OR51L1: variants seen among roughly 807,000 people sequenced by gnomAD.
OR51L1 encodes the protein olfactory receptor family 51 subfamily L member 1.
A neutral mutation model predicts 1.4 loss-of-function variants in OR51L1; 1 was observed. The ratio of observed to expected loss-of-function variants is 0.72; its 90% CI spans 0.26 to 3.42. The LOEUF (loss-of-function observed/expected upper bound fraction) is 3.42, where lower values mean the gene tolerates loss of function less well. Among genes scored for constraint, OR51L1 ranks in the 30% most tolerant of loss-of-function variants. The pLI, the probability that OR51L1 is intolerant of heterozygous loss-of-function variation, is 0.20. For synonymous variants in OR51L1, 156 were observed against 144.2 expected (o/e 1.08, Z -0.59); for missense variants, 378 against 380.0 (o/e 0.99, Z 0.04).
chr11:4,996,262 A>G (rs1240141872), intron 1 of OR51L1, among the ~76,000 whole-genome samples: 1 of 152,144 alleles, frequency 6.6e-6, no homozygotes, highest in East Asian at 1.9e-4. Context: ...GCACACACAC[A>G]CACACAGGCA....
chr11:5,003,776 A>G lies in OR51L1; in HGVS notation c.*3846A>G, dbSNP rs2133664640. 6.6e-6 allele frequency: 1 copy of G among 152,264 alleles called. No individual in the cohort carries two copies. Among genetic ancestry groups the G allele is most frequent in the Non-Finnish European group, 1.5e-5 (1 of 68,008 alleles). The allele number at this position is 152,264 out of a possible 1,614,324, so 9.4% of individuals were successfully genotyped here. On this transcript the variant is annotated 3_prime_UTR_variant, in exon 3 of 3. Coordinates refer to ENST00000641819, the MANE Select transcript of OR51L1 (RefSeq NM_001004755.2). ...AAGCCTGGAGAACTAAAAATAACCT[A>G]TAATTCAAGTTGACATTGTGAGATG...
intron 1 of OR51L1, among the ~76,000 whole-genome samples, chr11:4,996,208 G>A (rs532537935): frequency 2.4e-4 from 37 of 152,138 alleles, no homozygotes; most frequent in Non-Finnish European, 4.6e-4. Context: ...TGCCAAGAGA[G>A]TAGAGCTTAG....
At chr11:4,998,561 C>T (rs1847093187) in intron 2 of OR51L1, among the ~76,000 whole-genome samples, 1 of 151,998 alleles carries the variant, frequency 6.6e-6, no homozygotes, top group African/African-American at 2.4e-5. Context: ...GAAAAGATAG[C>T]CTAGAAGCAA....
intron 1 of OR51L1, among the ~76,000 whole-genome samples, chr11:4,995,593 A>G (rs554648558): frequency 1.4e-5 from 1 of 71,210 alleles, no homozygotes; most frequent in African/African-American, 6.0e-5. Context: ...GAGAGGCTGT[A>G]AAAAAATGGT....
chr11:4,995,729 C>T (rs190630141), intron 1 of OR51L1, among the ~76,000 whole-genome samples: 19 of 152,098 alleles, frequency 1.2e-4, no homozygotes, highest in Admixed American at 6.6e-4. Context: ...ATTTCTCTTT[C>T]GACCTCAGTG....
At position 4,998,917 on chromosome 11, in the gene OR51L1, C is replaced by A. The variant is rs1589828541; in HGVS notation, c.-66C>A. ...CATTATTTGTACTCAAAAGAGATAA[C>A]TTTGAGGGATCAGGAAGGAAAACAC... On this transcript the variant is annotated 5_prime_UTR_variant, in exon 3 of 3. Transcript: ENST00000641819. 4.6e-6 allele frequency: 7 copies of A among 1,530,400 alleles called. No homozygotes were observed. The East Asian group carries it at 1.6e-4, about 35-fold the overall frequency. The allele number at this position is 1,530,400 out of a possible 1,614,324, so 94.8% of individuals were successfully genotyped here.
At chr11:4,997,901 G>C (rs1307309217) in intron 2 of OR51L1, among the ~76,000 whole-genome samples, 1 of 152,088 alleles carries the variant, frequency 6.6e-6, no homozygotes, top group Non-Finnish European at 1.5e-5. Context: ...CACAGAAGTA[G>C]GTGCAAGTGG....
rs1359263869 is a variant in OR51L1, at chr11:5,002,774, A to C, written c.*2844A>C. 1 of 152,080 alleles carries C rather than the reference A, an allele frequency of 6.6e-6. No homozygotes were observed. Among genetic ancestry groups the C allele is most frequent in the African/African-American group, 2.4e-5 (1 of 41,392 alleles). The allele number at this position is 152,080 out of a possible 1,614,324, so 9.4% of individuals were successfully genotyped here. The stretch of plus-strand genomic sequence containing the variant: ...TCAACTTTTCCCTCTGCCCAATCCT[A>C]CCCACTTTCATTCCTTTTCATTTAA... On this transcript the variant is annotated 3_prime_UTR_variant, in exon 3 of 3. Coordinates refer to ENST00000641819, the MANE Select transcript of OR51L1 (RefSeq NM_001004755.2).
In OR51L1 at chr11:5,001,637, T is replaced by A. The variant is rs1452041913; in HGVS notation, c.*1707T>A. On this transcript the variant is annotated 3_prime_UTR_variant, in exon 3 of 3. Coordinates refer to ENST00000641819, the MANE Select transcript of OR51L1 (RefSeq NM_001004755.2). ...TTATTTTTGATAACCCATTACTTTT[T>A]TCTTTTTCACTAGAATGAACTACAG... 1 of 152,240 alleles carries A rather than the reference T, an allele frequency of 6.6e-6. No individual in the cohort carries two copies. The highest frequency in any genetic ancestry group is 2.4e-5 in the African/African-American group (1 of 41,454). 9.4% of individuals were successfully genotyped at this position (152,240 alleles called of 1,614,324 possible).
Position 4,999,278 on chromosome 11 carries a change from G to T in OR51L1, c.296G>T (p.Cys99Phe). 2 of 1,614,154 alleles carry T rather than the reference G, an allele frequency of 1.2e-6. No homozygotes were observed. The highest frequency in any genetic ancestry group is 1.7e-6 in the Non-Finnish European group (2 of 1,180,018). Reference protein sequence around the residue: ...LDAPEIQASACYAQLFFIHTF... With the variant: ...LDAPEIQASAFYAQLFFIHTF... ...GCTCCAGAGATCCAGGCAAGTGCTTGCTATGCTCAGCTGTTCTTCATCCAC... is the reference window on the plus strand; with the variant it reads ...GCTCCAGAGATCCAGGCAAGTGCTTTCTATGCTCAGCTGTTCTTCATCCAC... Residue 99 changes from cysteine (C) to phenylalanine (F), a missense_variant, in exon 3 of 3, where the codon TGC becomes TTC. By Grantham distance (205) the Cys-to-Phe change is radical. Transcript: ENST00000641819.
intron 1 of OR51L1, among the ~76,000 whole-genome samples, chr11:4,996,726 TTTCTTTCTTTCTTTCTTTC>T (rs1847074780): frequency 1.5e-5 from 1 of 67,278 alleles, no homozygotes; most frequent in Admixed American, 1.2e-4. Flanking sequence ...TTTTCTTTTC[TTTCTTTCTTTCTTTCTTTC>T]TTTCTTTCTT....
In OR51L1 at chr11:5,004,584, AAAGAG is replaced by A. The variant is rs1847160001; in HGVS notation, c.*4658_*4662del. The A allele has an allele frequency of 6.6e-6, 1 of 152,124 alleles. No individual in the cohort carries two copies. The highest frequency in any genetic ancestry group is 2.4e-5 in the African/African-American group (1 of 41,420). The allele number at this position is 152,124 out of a possible 1,614,324, so 9.4% of individuals were successfully genotyped here. Reference sequence around the variant, plus strand: ...CTCTGGTAGAAGAGAGAGAATAATCAAAGAGAAGTACACACGAACTTCTCTTACAA... The same window carrying A: ...CTCTGGTAGAAGAGAGAGAATAATCAAAGTACACACGAACTTCTCTTACAA... On this transcript the variant is annotated 3_prime_UTR_variant, in exon 3 of 3. Transcript: ENST00000641819.
At chr11:4,996,031 G>T (rs1847065470) in intron 1 of OR51L1, among the ~76,000 whole-genome samples, 1 of 152,084 alleles carries the variant, frequency 6.6e-6, no homozygotes, top group Admixed American at 6.6e-5. Context: ...TATACAGCAT[G>T]ACCACAGTTC....
rs2133661694 is a variant in OR51L1, at chr11:4,999,846, C to T, written c.864C>T (p.Val288=). 6.2e-7 allele frequency: 1 copy of T among 1,614,004 alleles called. No homozygotes were observed. The highest frequency in any genetic ancestry group is 1.1e-5 in the South Asian group (1 of 91,084). ...ACATCTACCTTCTTCTTCCCCCAGT[C>T]CTTAACCCTATTGTCTATAGTGTCA... ...MADIYLLLPP[V]LNPIVYSVRT... The change falls in exon 3 of 3, where the codon GTC becomes GTT. Residue 288 remains valine (V), a synonymous_variant. Coordinates refer to ENST00000641819, the MANE Select transcript of OR51L1 (RefSeq NM_001004755.2).
rs1175895852 is a variant in OR51L1 at position 5,002,234 on chromosome 11, T to C, written c.*2304T>C. ...ATGGAAGTATTTAAACCACAGAAAT[T>C]GGTAAACATTATATATCAGGACTTG... is the stretch of plus-strand genomic sequence containing the variant. On this transcript the variant is annotated 3_prime_UTR_variant, in exon 3 of 3. Coordinates refer to ENST00000641819, the MANE Select transcript of OR51L1 (RefSeq NM_001004755.2). The C allele has an allele frequency of 6.6e-6, 1 of 152,216 alleles. No homozygotes were observed. Among genetic ancestry groups the C allele is most frequent in the Non-Finnish European group, 1.5e-5 (1 of 68,048 alleles). The allele number at this position is 152,216 out of a possible 1,614,324, so 9.4% of individuals were successfully genotyped here. A position where few individuals can be genotyped will look rare whatever the true frequency, so the allele number is the denominator to read the frequency against.
chr11:4,998,879 T>G lies in OR51L1; in HGVS notation c.-104T>G. The G allele has an allele frequency of 7.9e-7, 1 of 1,267,142 alleles. No individual in the cohort carries two copies. The highest frequency in any genetic ancestry group is 1.1e-6 in the Non-Finnish European group (1 of 907,904). The allele number at this position is 1,267,142 out of a possible 1,614,324, so 78.5% of individuals were successfully genotyped here. On this transcript the variant is annotated 5_prime_UTR_variant, in exon 3 of 3. Transcript: ENST00000641819. ...TGTGAGGTTAGACGAAAGATGTATT[T>G]TTGTCCTCATTCCATTATTTGTACT... is the stretch of plus-strand genomic sequence containing the variant.
Position 4,999,107 on chromosome 11 carries a change from T to C in OR51L1, c.125T>C (p.Met42Thr), listed in dbSNP as rs1254578360. ...LFCLAYLVAFMGNVTILSVIW... is the reference protein window; with the variant it reads ...LFCLAYLVAFTGNVTILSVIW... ...TGTCTTGCATATTTGGTAGCATTTA[T>C]GGGTAATGTTACCATCCTGTCTGTC... Residue 42 changes from methionine (M) to threonine (T), a missense_variant, in exon 3 of 3, where the codon ATG becomes ACG. Physicochemically the swap from Met to Thr is moderately conservative, Grantham distance 81. Coordinates refer to ENST00000641819, the MANE Select transcript of OR51L1 (RefSeq NM_001004755.2). The C allele has an allele frequency of 1.2e-6, 2 of 1,614,166 alleles. No homozygotes were observed. Among genetic ancestry groups the C allele is most frequent in the Non-Finnish European group, 1.7e-6 (2 of 1,179,986 alleles).
chr11:4,996,209 T>C (rs1294813419), intron 1 of OR51L1, among the ~76,000 whole-genome samples: 1 of 151,646 alleles, frequency 6.6e-6, no homozygotes, highest in Non-Finnish European at 1.5e-5. Context: ...GCCAAGAGAG[T>C]AGAGCTTAGG....
Position 4,999,538 on chromosome 11 carries a change from G to A in OR51L1, c.556G>A (p.Val186Ile), listed in dbSNP as rs746749251. 10 of 1,613,686 alleles carry A rather than the reference G, an allele frequency of 6.2e-6. No individual in the cohort carries two copies. The highest frequency in any genetic ancestry group is 8.5e-6 in the Non-Finnish European group (10 of 1,179,828). The change falls in exon 3 of 3, where the codon GTT becomes ATT. Residue 186 changes from valine (V) to isoleucine (I), a missense_variant. Val to Ile is a conservative substitution (Grantham distance 29, BLOSUM62 3). Transcript: ENST00000641819. ...LSHAFCLHQD[V>I]LRLSCTDART... ...TCACGCCTTCTGTTTGCACCAGGAT[G>A]TTCTAAGATTATCCTGTACAGATGC...
Sources: allele counts gnomAD v4.1 joint callset (sites outside exome capture counted in the v4.1 genomes callset), GRCh38; gene constraint gnomAD v4.1.1; transcripts MANE v1.5; gene names NCBI Gene and HGNC (gene_info 2026-07-23, HGNC 2026-07-21).